Variants in CNTN1 observed in about 807,000 individuals in gnomAD.
CNTN1 encodes the protein contactin-1.
In CNTN1, 38 loss-of-function variants were observed where a neutral mutation model predicts 126.4. The observed-to-expected ratio is 0.30, with a 90% CI of 0.23 to 0.39. CNTN1 has a LOEUF of 0.39. Ranked by LOEUF, CNTN1 falls within the 10% of genes least tolerant of loss-of-function variation. The pLI, the probability that CNTN1 is intolerant of heterozygous loss-of-function variation, is 1.00. For missense variants in CNTN1, 1,009 were observed against 1,248.4 expected (o/e 0.81, Z 2.89); for synonymous variants, 413 against 422.6 (o/e 0.98, Z 0.28).
intron 1 of CNTN1, among the ~76,000 whole-genome samples, chr12:40,874,724 C>T (rs769490922): frequency 5.3e-5 from 8 of 152,092 alleles, no homozygotes; most frequent in African/African-American, 1.2e-4. Context: ...CATTCATCCA[C>T]GCTATTATTG....
In CNTN1 at chr12:41,025,215, G is replaced by A. The variant is rs771710371; in HGVS notation, c.2589G>A (p.Glu863=). The change falls in exon 21 of 24, where the codon GAG becomes GAA. Residue 863 remains glutamate, a synonymous_variant. Coordinates refer to ENST00000551295, the MANE Select transcript of CNTN1 (RefSeq NM_001843.4). ...ACAGAGTTCAAGTCACCAGCCAAGA[G>A]TACTCGGCCAGGCTCGAGAACCTTC... is the stretch of plus-strand genomic sequence containing the variant. ...AANRVQVTSQ[E]YSARLENLLP... 1 of 1,613,978 alleles carries A rather than the reference G, an allele frequency of 6.2e-7. No individual in the cohort carries two copies. The highest frequency in any genetic ancestry group is 1.1e-5 in the South Asian group (1 of 91,082).
chr12:40,940,146 A>C (rs1344040611), intron 12 of CNTN1, among the ~76,000 whole-genome samples: 2 of 152,056 alleles, frequency 1.3e-5, no homozygotes, highest in African/African-American at 4.8e-5. Context: ...AGGATGGGAA[A>C]TGGGAGGGAT....
chr12:40,863,961 C>T (rs1225180092), intron 1 of CNTN1, among the ~76,000 whole-genome samples: 5 of 121,028 alleles, frequency 4.1e-5, no homozygotes, highest in Admixed American at 8.1e-5. Flanking sequence ...CCTCTCTTCT[C>T]CTTCTCCTCC....
intron 1 of CNTN1, among the ~76,000 whole-genome samples, chr12:40,796,347 A>G (rs1221040186): frequency 6.6e-6 from 1 of 152,094 alleles, no homozygotes; most frequent in Non-Finnish European, 1.5e-5. Flanking sequence ...CCTTTAGACT[A>G]GGGCTCTTCA....
chr12:40,746,150 T>C (rs1234382444), intron 1 of CNTN1, among the ~76,000 whole-genome samples: 1 of 152,154 alleles, frequency 6.6e-6, no homozygotes, highest in South Asian at 2.1e-4. Flanking sequence ...TCCATCAAGG[T>C]ACAGGTATTG....
chr12:41,021,027 G>C (rs896377345), intron 20 of CNTN1, among the ~76,000 whole-genome samples: 4 of 152,186 alleles, frequency 2.6e-5, no homozygotes, highest in African/African-American at 9.7e-5. Flanking sequence ...ATCAAAACTA[G>C]AGAGATTAGT....
At chr12:41,062,128 C>G (rs772422579) in intron 23 of CNTN1, among the ~76,000 whole-genome samples, 1 of 152,144 alleles carries the variant, frequency 6.6e-6, no homozygotes, top group Non-Finnish European at 1.5e-5. Context: ...TCTTTAGAAA[C>G]TCTTAAAACC....
At chr12:40,970,795 C>CGTTAGGTAGGT (rs1947481838) in intron 15 of CNTN1, among the ~76,000 whole-genome samples, 1 of 152,128 alleles carries the variant, frequency 6.6e-6, no homozygotes, top group African/African-American at 2.4e-5. Context: ...CTTTGCCTAC[C>CGTTAGGTAGGT]TAACCTATGG....
chr12:41,024,010 C>T (rs922665037), intron 20 of CNTN1, among the ~76,000 whole-genome samples: 5 of 152,080 alleles, frequency 3.3e-5, no homozygotes, highest in Non-Finnish European at 7.3e-5. Context: ...TCCCTTGAGA[C>T]CTTTGAGGAG....
At chr12:40,909,575 ATAT>A (rs1565927216) in intron 2 of CNTN1, among the ~76,000 whole-genome samples, 1 of 151,846 alleles carries the variant, frequency 6.6e-6, no homozygotes, top group East Asian at 1.9e-4. Context: ...ACATAAAAAA[ATAT>A]TATTTTATTT....
At chr12:41,012,330 G>T (rs1045247672) in intron 17 of CNTN1, among the ~76,000 whole-genome samples, 1 of 152,180 alleles carries the variant, frequency 6.6e-6, no homozygotes, top group Non-Finnish European at 1.5e-5. Context: ...CATTTACTAT[G>T]ACATTATCTG....
chr12:41,022,388 T>C (rs1948937061), intron 20 of CNTN1, among the ~76,000 whole-genome samples: 1 of 152,234 alleles, frequency 6.6e-6, no homozygotes, highest in South Asian at 2.1e-4. Flanking sequence ...ACTTATGCAC[T>C]TTGCTGCTGA....
chr12:40,980,594 G>T lies in CNTN1; in HGVS notation c.1805-315G>T, dbSNP rs182890354. On this transcript the variant is annotated intron_variant, in intron 15 of 23. Coordinates refer to ENST00000551295, the MANE Select transcript of CNTN1 (RefSeq NM_001843.4). ...ATTCAGCAAGAATTCATTAAATCAT[G>T]CTATGCTACAATCTGTTAGGTCCCC... 5.1e-3 allele frequency among the ~76,000 whole-genome samples: 780 copies of T among 152,220 alleles called. 3 individuals carry two copies. Among genetic ancestry groups the T allele is most frequent in the Non-Finnish European group, 8.2e-3 (561 of 68,012 alleles).
At chr12:40,771,973 C>A (rs908892523) in intron 1 of CNTN1, among the ~76,000 whole-genome samples, 4 of 151,924 alleles carry the variant, frequency 2.6e-5, no homozygotes, top group African/African-American at 7.3e-5. Context: ...ATCTAAGTCT[C>A]CAGGGCTCCT....
intron 1 of CNTN1, among the ~76,000 whole-genome samples, chr12:40,793,447 T>A (rs1289083286): frequency 7.5e-6 from 1 of 132,812 alleles, no homozygotes; most frequent in Non-Finnish European, 1.6e-5. Flanking sequence ...TTTGTCCCCG[T>A]CAGCACCTAC....
intron 1 of CNTN1, among the ~76,000 whole-genome samples, chr12:40,770,426 A>G (rs969091901): frequency 5.3e-5 from 8 of 152,116 alleles, no homozygotes; most frequent in Non-Finnish European, 8.8e-5. Flanking sequence ...GAATAATAAA[A>G]TTTTCAGTAA....
intron 1 of CNTN1, among the ~76,000 whole-genome samples, chr12:40,834,985 G>C (rs1224909793): frequency 6.6e-6 from 1 of 152,122 alleles, no homozygotes; most frequent in Non-Finnish European, 1.5e-5. Context: ...AGGCTACGGG[G>C]ACCTGGCTGG....
At chr12:40,933,324 AT>A in intron 7 of CNTN1, 136 bp from the exon 8 acceptor site, 1 of 692,572 alleles carries the variant, frequency 1.4e-6, no homozygotes, top group East Asian at 2.6e-5. Context: ...AAGTCTATCC[AT>A]TATGATATGA....
chr12:41,058,312 G>A (rs1949868657), intron 23 of CNTN1, among the ~76,000 whole-genome samples: 1 of 151,952 alleles, frequency 6.6e-6, no homozygotes, highest in Non-Finnish European at 1.5e-5. Context: ...CCACTGTCAA[G>A]ATAAATGAGT....
Sources: gnomAD v4.1 joint callset for allele counts (sites outside exome capture counted in the v4.1 genomes callset) on GRCh38, gnomAD v4.1.1 for gene constraint, MANE v1.5 for transcripts, NCBI Gene and HGNC (gene_info 2026-07-23, HGNC 2026-07-21) for gene names.